Variants in KANSL3 observed in about 807,000 individuals in gnomAD.
KANSL3 encodes NSL complex protein NSL3.
Under a neutral mutation model 89.2 loss-of-function variants are expected in KANSL3, and 16 were observed. The observed-to-expected ratio is 0.18, with a 90% CI of 0.12 to 0.27. KANSL3 has a LOEUF of 0.27. Ranked by LOEUF, KANSL3 falls within the 10% of genes least tolerant of loss-of-function variation. The pLI is 1.00. For synonymous variants in KANSL3, 385 were observed against 419.7 expected, an observed-to-expected ratio of 0.92 and a Z score of 1.01; for missense variants, 879 against 1,110.6, an observed-to-expected ratio of 0.79 and a Z score of 2.96.
chr2:96,614,520 C>T (rs2069590639), intron 5 of KANSL3, among the ~76,000 whole-genome samples: 1 of 152,118 alleles, frequency 6.6e-6, no homozygotes, highest in Admixed American at 6.5e-5. Flanking sequence ...CCTGTAATCC[C>T]AGCACTTTGA....
intron 5 of KANSL3, chr2:96,615,456 T>C: frequency 4.4e-6 from 5 of 1,140,934 alleles, no homozygotes; most frequent in South Asian, 4.0e-5. Flanking sequence ...ACATTACAGA[T>C]GTGCAAATAT....
At chr2:96,633,703 T>C (rs1026947065) in intron 2 of KANSL3, among the ~76,000 whole-genome samples, 8 of 151,864 alleles carry the variant, frequency 5.3e-5, no homozygotes, top group African/African-American at 1.9e-4. Context: ...TCGTCTCTAC[T>C]AAACACAAAA....
intron 3 of KANSL3, among the ~76,000 whole-genome samples, chr2:96,621,986 C>T (rs1250644666): frequency 5.9e-5 from 9 of 151,702 alleles, no homozygotes; most frequent in South Asian, 2.1e-4. Context: ...TGGTGGCACA[C>T]GCCTGTAGTC....
chr2:96,604,069 C>G, intron 17 of KANSL3, 181 bp downstream of exon 17: 1 of 574,806 alleles, frequency 1.7e-6, no homozygotes, highest in South Asian at 3.2e-5. Flanking sequence ...TGCATTTATT[C>G]AAGGCCAAGG....
In KANSL3 at chr2:96,612,544, T is replaced by C. The variant is rs2069194200; in HGVS notation, c.932A>G (p.His311Arg). 2.5e-6 allele frequency: 4 copies of C among 1,613,828 alleles called. No individual in the cohort carries two copies. In the Admixed American group the frequency reaches 5.0e-5, roughly 20 times the overall value. Residue 311 changes from histidine (H) to arginine (R), a missense_variant, in exon 8 of 21, where the codon CAT becomes CGT. His to Arg is a conservative substitution (Grantham distance 29). Coordinates refer to ENST00000431828, the MANE Select transcript of KANSL3 (RefSeq NM_001115016.3). ...CLGKVIPVAT[H>R]LLNNGSGVGV... ...TACCCCACTGCCATTGTTCAGCAGA[T>C]GGGTGGCTACAGGGATGACCTGAAG...
rs984808196 is a variant in KANSL3, at chr2:96,638,304, C to T, written c.-72G>A. ...TCACCCGCGGTCTTACGGCCGCGCG[C>T]TCGGCCACGGCCGGATCCCTAAGCG... On this transcript the variant is annotated 5_prime_UTR_variant, in exon 1 of 21. Transcript: ENST00000431828. 1 of 152,290 alleles carries T rather than the reference C, an allele frequency of 6.6e-6. No homozygotes were observed. Among genetic ancestry groups the T allele is most frequent in the African/African-American group, 2.4e-5 (1 of 41,482 alleles). 9.4% of individuals were successfully genotyped at this position (152,290 alleles called of 1,614,324 possible).
At chr2:96,615,285 A>G (rs1284652588) in intron 5 of KANSL3, 1 of 163,244 alleles carries the variant, frequency 6.1e-6, no homozygotes, top group Non-Finnish European at 1.3e-5. Context: ...GTATCAGTTG[A>G]TTTTATAATA....
chr2:96,603,039 C>T (rs774686890), intron 17 of KANSL3, among the ~76,000 whole-genome samples, 177 bp from the exon 18 acceptor site: 23 of 152,180 alleles, frequency 1.5e-4, no homozygotes, highest in Non-Finnish European at 3.1e-4. Context: ...GCAATGGATG[C>T]CACACAGGAA....
At chr2:96,633,341 G>A (rs13384114) in intron 2 of KANSL3, among the ~76,000 whole-genome samples, 9,566 of 152,150 alleles carry the variant, frequency 0.063, 595 homozygotes, top group African/African-American at 0.15. Flanking sequence ...AGGCCAAGGC[G>A]GGTGGATCAC....
chr2:96,607,911 G>C (rs1325638605), intron 14 of KANSL3, among the ~76,000 whole-genome samples: 1 of 152,082 alleles, frequency 6.6e-6, no homozygotes, highest in East Asian at 1.9e-4. Context: ...GGATCAATGT[G>C]GGGGAAGGGG....
intron 11 of KANSL3, 39 bp from the exon 12 acceptor site, chr2:96,609,601 A>G (rs749042567): frequency 2.2e-5 from 33 of 1,489,326 alleles, no homozygotes; most frequent in Non-Finnish European, 2.9e-5. Context: ...CTTCTTACAC[A>G]TTGCACGGCA....
intron 9 of KANSL3, 63 bp downstream of exon 9, chr2:96,612,219 G>T: frequency 8.8e-7 from 1 of 1,134,958 alleles, no homozygotes; most frequent in Non-Finnish European, 1.3e-6. Context: ...AGGACTCAAT[G>T]GTAGCTATGA....
chr2:96,625,187 G>A (rs1303237446), intron 3 of KANSL3, among the ~76,000 whole-genome samples: 1 of 152,078 alleles, frequency 6.6e-6, no homozygotes, highest in African/African-American at 2.4e-5. Context: ...TCCAGCCTGG[G>A]TGACAGAATG....
chr2:96,585,381 A>C, the KANSL3 span, among the ~76,000 whole-genome samples: 1 of 152,222 alleles, frequency 6.6e-6, no homozygotes, highest in African/African-American at 2.4e-5. Flanking sequence ...AAAATGCTCA[A>C]CACCACTAAT....
At chr2:96,620,099 T>C (rs2070965346) in intron 3 of KANSL3, among the ~76,000 whole-genome samples, 1 of 152,208 alleles carries the variant, frequency 6.6e-6, no homozygotes, top group Admixed American at 6.5e-5. Context: ...CAATCATAAA[T>C]AAACGCACAG....
At chr2:96,637,754 T>A (rs2074453691) in intron 1 of KANSL3, among the ~76,000 whole-genome samples, 1 of 152,118 alleles carries the variant, frequency 6.6e-6, no homozygotes, top group Admixed American at 6.5e-5. Flanking sequence ...TTCGTAATAT[T>A]CCAGAGTTGT....
At chr2:96,604,711 A>G in intron 16 of KANSL3, 68 bp downstream of exon 16, 1 of 1,355,306 alleles carries the variant, frequency 7.4e-7, no homozygotes, top group Middle Eastern at 1.8e-4. Flanking sequence ...TTTCCAAAGC[A>G]CTAAATAAAC....
Position 96,602,882 on chromosome 2 carries a change from G to T in KANSL3, c.2150-20C>A, listed in dbSNP as rs529849459. The T allele has an allele frequency of 3.1e-6, 5 of 1,608,438 alleles. No homozygotes were observed. The East Asian group carries it at 6.7e-5, about 22-fold the overall frequency. ...TGGCCCCTAAGAGAGGACATAGCAG[G>T]AATCAGTAGAGACTCAATCACTTGC... On this transcript the variant is annotated intron_variant, in intron 17 of 20. Coordinates refer to ENST00000431828, the MANE Select transcript of KANSL3 (RefSeq NM_001115016.3).
At chr2:96,602,669 G>T in intron 18 of KANSL3, 84 bp downstream of exon 18, 1 of 1,075,298 alleles carries the variant, frequency 9.3e-7, no homozygotes, top group South Asian at 1.5e-5. Flanking sequence ...ACTGACTCCA[G>T]ACCTAGTTTC....
Sources: gnomAD v4.1 joint callset for allele counts (sites outside exome capture counted in the v4.1 genomes callset) on GRCh38, gnomAD v4.1.1 for gene constraint, MANE v1.5 for transcripts, NCBI Gene and HGNC (gene_info 2026-07-23, HGNC 2026-07-21) for gene names.